The following SCN3A variants were observed in gnomAD, a reference collection of about 807,000 sequenced individuals.
SCN3A encodes the protein sodium channel protein type 3 subunit alpha.
In SCN3A, 60 loss-of-function variants were observed where a neutral mutation model predicts 187.6. The ratio of observed to expected loss-of-function variants is 0.32; its 90% CI spans 0.26 to 0.40. The LOEUF is 0.40. Ranked by LOEUF, SCN3A falls within the 10% of genes least tolerant of loss-of-function variation. The probability of loss-of-function intolerance (pLI) is 1.00; values close to 1 mark genes in which losing one functional copy is unlikely to be tolerated. For missense variants in SCN3A, 1,601 were observed against 2,428.2 expected, an observed-to-expected ratio of 0.66 and a Z score of 7.16; for synonymous variants, 788 against 829.2, an observed-to-expected ratio of 0.95 and a Z score of 0.85.
chr2:165,133,395 C>T lies in SCN3A; in HGVS notation c.2392-1978G>A, dbSNP rs182897158. 2.4e-4 allele frequency among the ~76,000 whole-genome samples: 37 copies of T among 152,070 alleles called. No individual in the cohort carries two copies. The East Asian group carries it at 4.8e-3, about 20-fold the overall frequency. ...TTTGAGACAGAGTCTCCCTCTGTTG[C>T]CCAGATTGGAGTAGAGTGGCGCGAT... On this transcript the variant is annotated intron_variant, in intron 15 of 27. Transcript: ENST00000283254.
intron 17 of SCN3A, 115 bp downstream of exon 17, chr2:165,129,825 G>A (rs1053054721): frequency 3.1e-6 from 4 of 1,295,378 alleles, no homozygotes; most frequent in Non-Finnish European, 4.5e-6. Context: ...CTAATAGGGG[G>A]ATTTCAGTCT....
chr2:165,134,926 CAT>C (rs1422996408), intron 15 of SCN3A, among the ~76,000 whole-genome samples: 1 of 151,856 alleles, frequency 6.6e-6, no homozygotes, highest in African/African-American at 2.4e-5. Context: ...CCTTTAAAAA[CAT>C]ATACCCTAAA....
At chr2:165,091,716 T>A (rs1685115680) in intron 27 of SCN3A, 1 of 291,152 alleles carries the variant, frequency 3.4e-6, no homozygotes, top group African/African-American at 2.2e-5. Context: ...ACTCTTCAGT[T>A]AGAGAGAAAT....
intron 11 of SCN3A, among the ~76,000 whole-genome samples, chr2:165,147,285 G>C (rs998788258): frequency 2.1e-5 from 1 of 48,720 alleles, no homozygotes; most frequent in African/African-American, 5.6e-5. Flanking sequence ...CTTTTTTTTG[G>C]GGGGGGGGGG....
chr2:165,092,146 C>A lies in SCN3A; in HGVS notation c.4807+108G>T. On this transcript the variant is annotated intron_variant, in intron 27 of 27. Coordinates refer to ENST00000283254, the MANE Select transcript of SCN3A (RefSeq NM_006922.4). The surrounding 1 kb of genome is among the most constrained non-coding windows in gnomAD (Gnocchi z 4.2). Reference sequence around the variant, plus strand: ...AATATGCTAGTGTTGAACTTTACATCTATATGCATTATTATTCTCAGACCT... The same window carrying A: ...AATATGCTAGTGTTGAACTTTACATATATATGCATTATTATTCTCAGACCT... The A allele has an allele frequency of 9.2e-7, 1 of 1,082,862 alleles. No individual in the cohort carries two copies. The highest frequency in any genetic ancestry group is 2.4e-5 in the East Asian group (1 of 42,510). 67.1% of individuals were successfully genotyped at this position (1,082,862 alleles called of 1,614,324 possible). A position where few individuals can be genotyped will look rare whatever the true frequency, so the allele number is the denominator to read the frequency against.
chr2:165,196,206 T>C (rs1479350342), intron 1 of SCN3A, among the ~76,000 whole-genome samples: 1 of 151,896 alleles, frequency 6.6e-6, no homozygotes, highest in Non-Finnish European at 1.5e-5. Flanking sequence ...TTTTTTTAAA[T>C]AAATGATCCA....
At chr2:165,201,560 T>C (rs897103682) in intron 1 of SCN3A, among the ~76,000 whole-genome samples, 3 of 152,036 alleles carry the variant, frequency 2.0e-5, no homozygotes, top group Non-Finnish European at 4.4e-5. Flanking sequence ...TTATTTTAGT[T>C]ACACAATCCT....
chr2:165,192,219 T>C (rs1419770881), intron 1 of SCN3A, among the ~76,000 whole-genome samples: 3 of 152,048 alleles, frequency 2.0e-5, no homozygotes, highest in Non-Finnish European at 4.4e-5. Context: ...ATTACAATCC[T>C]CTTTACCTCA....
chr2:165,203,696 G>T (rs1307849902), intron 1 of SCN3A, 127 bp downstream of exon 1: 1 of 151,892 alleles, frequency 6.6e-6, no homozygotes, highest in Non-Finnish European at 1.5e-5. Flanking sequence ...GATGCCTTTG[G>T]TTCCTGTAAT....
chr2:165,105,632 G>A (rs1685813728), intron 21 of SCN3A, among the ~76,000 whole-genome samples: 1 of 152,116 alleles, frequency 6.6e-6, no homozygotes, highest in Non-Finnish European at 1.5e-5. Flanking sequence ...GGGTGGGTAA[G>A]GTGTACAGCA....
chr2:165,128,625 A>G (rs1168516815), intron 17 of SCN3A, among the ~76,000 whole-genome samples: 2 of 152,236 alleles, frequency 1.3e-5, no homozygotes, highest in African/African-American at 4.8e-5. Context: ...ACAAACTTTT[A>G]TAACAGCAGA....
Position 165,089,949 on chromosome 2 carries a change from C to T in SCN3A, c.*201G>A. 1.5e-6 allele frequency: 1 copy of T among 671,756 alleles called. No homozygotes were observed. The highest frequency in any genetic ancestry group is 2.4e-6 in the Non-Finnish European group (1 of 408,962). The allele number at this position is 671,756 out of a possible 1,614,324, so 41.6% of individuals were successfully genotyped here. ...TGTCAGCTGGTAATAAAAACAGCAA[C>T]CTCTTGTCAATGTTGATACCCTGCT... On this transcript the variant is annotated 3_prime_UTR_variant, in exon 28 of 28. Transcript: ENST00000283254.
chr2:165,113,773 A>C, intron 20 of SCN3A, 43 bp downstream of exon 20: 1 of 1,596,520 alleles, frequency 6.3e-7, no homozygotes, highest in Non-Finnish European at 8.6e-7. Flanking sequence ...AGAATAAACT[A>C]TTTCACCAGA....
At position 165,146,380 on chromosome 2, in the gene SCN3A, A is replaced by G. The variant is rs2390209; in HGVS notation, c.1671+359T>C. On this transcript the variant is annotated intron_variant, in intron 12 of 27. Coordinates refer to ENST00000283254, the MANE Select transcript of SCN3A (RefSeq NM_006922.4). Reference sequence around the variant, plus strand: ...CTGCTAGTGTAGGTTATATATATATATATGTGTGTGTGTGTGTGTGTGTGT... The same window carrying G: ...CTGCTAGTGTAGGTTATATATATATGTATGTGTGTGTGTGTGTGTGTGTGT... Among the ~76,000 whole-genome samples the G allele has an allele frequency of 8.8e-5, 8 of 90,594 alleles. No homozygotes were observed. In the East Asian group the frequency reaches 1.9e-3, roughly 22 times the overall value. The allele number at this position is 90,594 out of a possible 152,430, so 59.4% of individuals were successfully genotyped here. A position where few individuals can be genotyped will look rare whatever the true frequency, so the allele number is the denominator to read the frequency against.
chr2:165,113,478 T>C (rs73969186), intron 20 of SCN3A, among the ~76,000 whole-genome samples: 2,467 of 152,260 alleles, frequency 0.016, 56 homozygotes, highest in African/African-American at 0.05. Context: ...AAACCTAAAA[T>C]ACACTTTTAG....
intron 18 of SCN3A, among the ~76,000 whole-genome samples, chr2:165,119,501 A>G (rs1307517787): frequency 1.3e-5 from 2 of 152,196 alleles, no homozygotes; most frequent in African/African-American, 4.8e-5. Flanking sequence ...GAAAAACTAT[A>G]TAAGCATTTT....
At chr2:165,181,187 T>C (rs1267274986) in intron 2 of SCN3A, among the ~76,000 whole-genome samples, 1 of 152,224 alleles carries the variant, frequency 6.6e-6, no homozygotes, top group Non-Finnish European at 1.5e-5. Flanking sequence ...TGTTGTTTTA[T>C]TGAAATATAT....
At chr2:165,138,176 T>C in intron 14 of SCN3A, 59 bp from the exon 15 acceptor site, 2 of 1,211,308 alleles carry the variant, frequency 1.7e-6, no homozygotes, top group South Asian at 2.4e-5. Context: ...TTATTATTGC[T>C]AGTAGATTTT....
chr2:165,134,932 C>A (rs936228366), intron 15 of SCN3A, among the ~76,000 whole-genome samples: 3 of 151,904 alleles, frequency 2.0e-5, no homozygotes, highest in Non-Finnish European at 2.9e-5. Flanking sequence ...AAAACATATA[C>A]CCTAAATTTA....
Sources: allele counts gnomAD v4.1 joint callset (sites outside exome capture counted in the v4.1 genomes callset), GRCh38; gene constraint gnomAD v4.1.1; non-coding constraint Gnocchi (gnomAD v3.1); transcripts MANE v1.5; gene names NCBI Gene and HGNC (gene_info 2026-07-23, HGNC 2026-07-21).